Variants in MEI4 observed in about 807,000 individuals in gnomAD.
The protein encoded by MEI4 is meiosis-specific protein MEI4.
A neutral mutation model predicts 31.4 loss-of-function variants in MEI4; 27 were observed. The ratio of observed to expected loss-of-function variants is 0.86; its 90% CI spans 0.63 to 1.19. MEI4 has a LOEUF of 1.19. MEI4 is among the 50% of genes most tolerant of loss of function. MEI4 has a pLI of 0.00. For missense variants in MEI4, 329 were observed against 398.9 expected (o/e 0.82, Z 1.49); for synonymous variants, 122 against 145.4 (o/e 0.84, Z 1.16).
rs552939956 is a variant in MEI4, at chr6:77,820,099, G to C, written c.769-8832G>C. 1.1e-3 allele frequency among the ~76,000 whole-genome samples: 173 copies of C among 152,056 alleles called. 1 individual carries two copies. The highest frequency in any genetic ancestry group is 1.9e-3 in the Non-Finnish European group (132 of 67,996). On this transcript the variant is annotated intron_variant, in intron 3 of 4. Coordinates refer to ENST00000684080, the MANE Select transcript of MEI4 (RefSeq NM_001322247.2). The surrounding 1 kb of genome is among the most constrained non-coding windows in gnomAD (Gnocchi z 4.5). ...TATCACTGTGTACTTGGCAGTGTCA[G>C]TATCAGGATATGAGTTGTTTTGATA...
chr6:77,718,471 C>G (rs1173228519), intron 2 of MEI4, among the ~76,000 whole-genome samples: 2 of 148,438 alleles, frequency 1.3e-5, no homozygotes, highest in Non-Finnish European at 3.0e-5. Flanking sequence ...AGTTTACTGA[C>G]TGAACAGAAG....
chr6:77,799,331 G>A lies in MEI4; in HGVS notation c.769-29600G>A, dbSNP rs548464487. On this transcript the variant is annotated intron_variant, in intron 3 of 4. Transcript: ENST00000684080. ...TGTTCATGTCCTTCACCCACTTTTT[G>A]ATGGGGTTGTTTGTTTTTTTCTTCT... Among the ~76,000 whole-genome samples the A allele has an allele frequency of 5.2e-3, 789 of 152,206 alleles. 7 individuals carry two copies. Among genetic ancestry groups the A allele is most frequent in the African/African-American group, 0.019 (770 of 41,522 alleles).
At chr6:77,727,411 GC>G (rs1426260833) in intron 2 of MEI4, among the ~76,000 whole-genome samples, 1 of 152,128 alleles carries the variant, frequency 6.6e-6, no homozygotes, top group Non-Finnish European at 1.5e-5. Flanking sequence ...CTTGGCAAAG[GC>G]TAAGTTATTT....
chr6:77,914,733 T>G (rs956453699), intron 4 of MEI4, among the ~76,000 whole-genome samples: 2 of 152,090 alleles, frequency 1.3e-5, no homozygotes, highest in Non-Finnish European at 2.9e-5. Flanking sequence ...CTAATAATAT[T>G]TGCTTTGTAT....
At chr6:77,918,084 G>A (rs1218204385) in intron 4 of MEI4, among the ~76,000 whole-genome samples, 1 of 150,694 alleles carries the variant, frequency 6.6e-6, no homozygotes, top group Admixed American at 6.6e-5. Flanking sequence ...TTGTAGATAT[G>A]TGGCGTTATT....
intron 2 of MEI4, among the ~76,000 whole-genome samples, chr6:77,696,389 T>C (rs960744503): frequency 2.0e-5 from 3 of 152,208 alleles, no homozygotes; most frequent in African/African-American, 4.8e-5. Context: ...CAATATGATA[T>C]TGGCTGTGGG....
At chr6:77,731,442 G>C (rs1316642923) in intron 2 of MEI4, among the ~76,000 whole-genome samples, 2 of 150,972 alleles carry the variant, frequency 1.3e-5, no homozygotes, top group African/African-American at 4.9e-5. Context: ...AGAAGTGTCT[G>C]TTCATGTCCT....
chr6:77,699,056 G>A (rs370929175), intron 2 of MEI4, among the ~76,000 whole-genome samples: 399 of 152,024 alleles, frequency 2.6e-3, no homozygotes, highest in Non-Finnish European at 4.8e-3. Context: ...CCAGTTGATC[G>A]CATCGGCTCC....
At chr6:77,716,712 TATC>T in intron 2 of MEI4, 1 of 187,240 alleles carries the variant, frequency 5.3e-6, no homozygotes, top group Non-Finnish European at 1.0e-5. Context: ...GGAAAGGTAA[TATC>T]ATATAAACCA....
chr6:77,687,463 C>T (rs1437857697), intron 1 of MEI4, among the ~76,000 whole-genome samples: 1 of 152,072 alleles, frequency 6.6e-6, no homozygotes, highest in African/African-American at 2.4e-5. Context: ...ACTAGATTTT[C>T]AACAGTTCAC....
intron 4 of MEI4, among the ~76,000 whole-genome samples, chr6:77,870,825 A>T (rs1027095193): frequency 6.6e-6 from 1 of 152,162 alleles, no homozygotes; most frequent in Non-Finnish European, 1.5e-5. Flanking sequence ...CTACCTGCCC[A>T]TCATATTGTT....
intron 1 of MEI4, among the ~76,000 whole-genome samples, chr6:77,656,813 A>G (rs1581993962): frequency 6.6e-6 from 1 of 151,930 alleles, no homozygotes; most frequent in Non-Finnish European, 1.5e-5. Flanking sequence ...AAAAAAATTC[A>G]CTCACTATCC....
At chr6:77,876,913 G>C (rs1049743683) in intron 4 of MEI4, among the ~76,000 whole-genome samples, 18 of 151,940 alleles carry the variant, frequency 1.2e-4, no homozygotes, top group Non-Finnish European at 8.8e-5. Flanking sequence ...TGAAGGAAAA[G>C]GAGGGAAAAA....
At chr6:77,838,257 T>G (rs1044374627) in intron 4 of MEI4, among the ~76,000 whole-genome samples, 2 of 152,166 alleles carry the variant, frequency 1.3e-5, no homozygotes, top group African/African-American at 4.8e-5. Flanking sequence ...TTTTTTTTTT[T>G]TACTGTAGGT....
At chr6:77,732,032 T>C (rs7450019) in intron 2 of MEI4, among the ~76,000 whole-genome samples, 71,673 of 140,450 alleles carry the variant, frequency 0.51, 19,964 homozygotes, top group East Asian at 0.73. Flanking sequence ...TTACTGTAGC[T>C]TTGTAGTATA....
chr6:77,709,516 A>G (rs1286090806), intron 2 of MEI4, among the ~76,000 whole-genome samples: 1 of 152,184 alleles, frequency 6.6e-6, no homozygotes, highest in Non-Finnish European at 1.5e-5. Flanking sequence ...ATTTTACATC[A>G]ATTTCACAAA....
intron 3 of MEI4, among the ~76,000 whole-genome samples, chr6:77,770,920 A>G (rs1199457812): frequency 6.6e-6 from 1 of 152,198 alleles, no homozygotes; most frequent in Non-Finnish European, 1.5e-5. Context: ...ATTGCAGCAA[A>G]AGAAAAAATT....
At chr6:77,650,890 A>G (rs1768287717), upstream of MEI4, among the ~76,000 whole-genome samples, 1 of 152,156 alleles carries the variant, frequency 6.6e-6, no homozygotes, top group Non-Finnish European at 1.5e-5. Context: ...CTTGGAAGAG[A>G]GGCCTGTGTT....
rs9448161 is a variant in MEI4 at position 77,696,282 on chromosome 6, A to C, written c.232+5379A>C. 7.2e-3 allele frequency among the ~76,000 whole-genome samples: 1,100 copies of C among 152,110 alleles called. 13 individuals carry two copies. Among genetic ancestry groups the C allele is most frequent in the African/African-American group, 0.024 (1,006 of 41,504 alleles). ...TCCTTCTCCTGCCTGATTGTCCTGGACAGAACTTCCAACACTATGTTGAAT... is the reference window on the plus strand; with the variant it reads ...TCCTTCTCCTGCCTGATTGTCCTGGCCAGAACTTCCAACACTATGTTGAAT... On this transcript the variant is annotated intron_variant, in intron 2 of 4. Transcript: ENST00000684080.
Sources: allele counts gnomAD v4.1 joint callset (sites outside exome capture counted in the v4.1 genomes callset), GRCh38; gene constraint gnomAD v4.1.1; non-coding constraint Gnocchi (gnomAD v3.1); transcripts MANE v1.5; gene names NCBI Gene and HGNC (gene_info 2026-07-23, HGNC 2026-07-21).